Variants in PEAK1 observed in about 807,000 individuals in gnomAD.
The protein encoded by PEAK1 is inactive tyrosine-protein kinase PEAK1.
A neutral mutation model predicts 124.7 loss-of-function variants in PEAK1; 54 were observed. That is an observed-to-expected ratio of 0.43 (90% CI 0.35 to 0.54). PEAK1 has a LOEUF of 0.54. Ranked by LOEUF, PEAK1 falls within the 20% of genes least tolerant of loss-of-function variation. The pLI, the probability that PEAK1 is intolerant of heterozygous loss-of-function variation, is 0.01. For missense variants in PEAK1, 2,046 were observed against 2,134.5 expected (o/e 0.96, Z 0.82); for synonymous variants, 719 against 760.0 (o/e 0.95, Z 0.89).
chr15:77,207,572 T>C (rs755426171), intron 6 of PEAK1, among the ~76,000 whole-genome samples: 5 of 152,138 alleles, frequency 3.3e-5, no homozygotes, highest in South Asian at 2.1e-4. Flanking sequence ...CCAATCAATC[T>C]GAAAAGGCTA....
intron 2 of PEAK1, chr15:77,337,042 T>G (rs1017646784): frequency 6.0e-6 from 5 of 836,324 alleles, no homozygotes; most frequent in Non-Finnish European, 7.2e-6. Flanking sequence ...TAGTAGGTGT[T>G]TATGGAGGAA....
chr15:77,222,222 C>A (rs1384390417), intron 6 of PEAK1, among the ~76,000 whole-genome samples: 3 of 151,946 alleles, frequency 2.0e-5, no homozygotes, highest in Admixed American at 1.3e-4. Flanking sequence ...TAACCTTTTT[C>A]TTTCATAGAA....
intron 1 of PEAK1, among the ~76,000 whole-genome samples, chr15:77,388,740 C>A (rs1424826461): frequency 6.6e-6 from 1 of 150,882 alleles, no homozygotes; most frequent in African/African-American, 2.4e-5. Flanking sequence ...TGCTAATATT[C>A]TCTTCATCCT....
rs114509719 is a variant in PEAK1, at chr15:77,191,919, C to G, written c.-114-9879G>C. On this transcript the variant is annotated intron_variant, in intron 6 of 9. Transcript: ENST00000682557. Reference sequence around the variant, plus strand: ...GATAATAAGAGTGACTAAAGATGACCCTGTGGTCTGTATAGATCAAAACCC... The same window carrying G: ...GATAATAAGAGTGACTAAAGATGACGCTGTGGTCTGTATAGATCAAAACCC... Among the ~76,000 whole-genome samples, 357 of 152,078 alleles carry G rather than the reference C, an allele frequency of 2.3e-3. 1 individual carries two copies. The highest frequency in any genetic ancestry group is 8.2e-3 in the African/African-American group (339 of 41,488).
At chr15:77,341,650 C>T (rs188862494) in intron 2 of PEAK1, among the ~76,000 whole-genome samples, 2 of 152,200 alleles carry the variant, frequency 1.3e-5, no homozygotes, top group Non-Finnish European at 2.9e-5. Context: ...AAAGTCCCAA[C>T]CTTCTAATCA....
intron 8 of PEAK1, among the ~76,000 whole-genome samples, chr15:77,139,721 C>T (rs1224374011): frequency 1.3e-5 from 2 of 152,194 alleles, no homozygotes; most frequent in African/African-American, 2.4e-5. Flanking sequence ...ACTCAAGGAC[C>T]TCTTTTCTCC....
At chr15:77,270,983 G>A (rs942857136) in intron 5 of PEAK1, among the ~76,000 whole-genome samples, 3 of 152,110 alleles carry the variant, frequency 2.0e-5, no homozygotes, top group African/African-American at 7.2e-5. Context: ...TACCATCAGA[G>A]TGAACAGGCA....
intron 2 of PEAK1, among the ~76,000 whole-genome samples, chr15:77,295,160 A>ATGGC (rs1344787769): frequency 1.3e-5 from 2 of 152,158 alleles, no homozygotes; most frequent in African/African-American, 4.8e-5. Context: ...GGGTGACCTT[A>ATGGC]TGGCTCATGT....
At chr15:77,399,368 T>C (rs538100613) in intron 1 of PEAK1, among the ~76,000 whole-genome samples, 1 of 152,176 alleles carries the variant, frequency 6.6e-6, no homozygotes, top group Non-Finnish European at 1.5e-5. Flanking sequence ...AGAGCTATGC[T>C]GAGAAAAAAA....
chr15:77,359,951 A>C (rs779633105), intron 2 of PEAK1, among the ~76,000 whole-genome samples: 3 of 152,228 alleles, frequency 2.0e-5, no homozygotes, highest in Non-Finnish European at 4.4e-5. Context: ...TGGTAATATA[A>C]GCAATCCAGA....
chr15:77,241,166 A>G (rs890361511), intron 6 of PEAK1, among the ~76,000 whole-genome samples: 2 of 152,224 alleles, frequency 1.3e-5, no homozygotes, highest in African/African-American at 4.8e-5. Context: ...TGGAATATAC[A>G]GAAAGTCCAA....
intron 7 of PEAK1, among the ~76,000 whole-genome samples, chr15:77,170,478 G>A (rs560091616): frequency 4.6e-5 from 7 of 152,278 alleles, no homozygotes; most frequent in Admixed American, 3.9e-4. Flanking sequence ...AAGGTAGGCA[G>A]ATGCCACATA....
chr15:77,419,164 C>A (rs1447335057), intron 1 of PEAK1: 1 of 985,222 alleles, frequency 1.0e-6, no homozygotes. Context: ...TAAAAAACAA[C>A]GAATCGCAAA....
At position 77,181,554 on chromosome 15, in the gene PEAK1, C is replaced by T. The variant is rs1373979874; in HGVS notation, c.373G>A (p.Gly125Arg). 2 of 1,613,904 alleles carry T rather than the reference C, an allele frequency of 1.2e-6. No individual in the cohort carries two copies. The highest frequency in any genetic ancestry group is 2.2e-5 in the East Asian group (1 of 44,882). ...PLNNNNEDDEGISHVPKPYGN... is the reference protein window; with the variant it reads ...PLNNNNEDDERISHVPKPYGN... ...TAAGGCTTAGGAACATGGCTAATTC[C>T]TTCATCATCTTCATTATTATTGTTA... The change falls in exon 7 of 10, where the codon GGA (glycine) becomes AGA (arginine). Residue 125 changes from glycine to arginine, a missense_variant. Gly to Arg is a moderately radical substitution (Grantham distance 125, BLOSUM62 -2). Transcript: ENST00000682557.
chr15:77,418,742 A>G (rs985287998), intron 1 of PEAK1: 34 of 985,294 alleles, frequency 3.5e-5, no homozygotes, highest in Non-Finnish European at 4.0e-5. Flanking sequence ...ACCCCGGTGG[A>G]TAATTCACGT....
chr15:77,295,833 G>C (rs1237108756), intron 2 of PEAK1, among the ~76,000 whole-genome samples: 1 of 152,146 alleles, frequency 6.6e-6, no homozygotes, highest in Admixed American at 6.5e-5. Flanking sequence ...TAAACGAGGG[G>C]AGAAAGAATG....
At position 77,181,019 on chromosome 15, in the gene PEAK1, C is replaced by G. The variant is rs771512988; in HGVS notation, c.908G>C (p.Arg303Thr). The change falls in exon 7 of 10, where the codon AGA (arginine) becomes ACA (threonine). Residue 303 changes from arginine to threonine, a missense_variant. Coordinates refer to ENST00000682557, the MANE Select transcript of PEAK1 (RefSeq NM_001385026.1). Reference sequence around the variant, plus strand: ...GTCATCATAGTCCACAGCACAGATTCTCTGCAGAGACTTGTTTCGCAGGGG... The same window carrying G: ...GTCATCATAGTCCACAGCACAGATTGTCTGCAGAGACTTGTTTCGCAGGGG... ...TIPLRNKSLQRICAVDYDDSY... is the reference protein window; with the variant it reads ...TIPLRNKSLQTICAVDYDDSY... 1.2e-6 allele frequency: 2 copies of G among 1,614,064 alleles called. No homozygotes were observed. Among genetic ancestry groups the G allele is most frequent in the Non-Finnish European group, 1.7e-6 (2 of 1,180,012 alleles).
At chr15:77,148,305 G>T (rs1002854991) in intron 8 of PEAK1, among the ~76,000 whole-genome samples, 1 of 152,074 alleles carries the variant, frequency 6.6e-6, no homozygotes, top group Middle Eastern at 3.2e-3. Context: ...TTTTTTAAAT[G>T]GAGTTTTTTA....
At chr15:77,336,991 A>G in intron 2 of PEAK1, 1 of 487,040 alleles carries the variant, frequency 2.1e-6, no homozygotes, top group Non-Finnish European at 2.7e-6. Context: ...AATATTTTCC[A>G]AAGATATAGA....
Sources: allele counts gnomAD v4.1 joint callset (sites outside exome capture counted in the v4.1 genomes callset), GRCh38; gene constraint gnomAD v4.1.1; transcripts MANE v1.5; gene names NCBI Gene and HGNC (gene_info 2026-07-23, HGNC 2026-07-21).